DYNC1LI1: variants seen among roughly 807,000 people sequenced by gnomAD.
DYNC1LI1 encodes the protein dynein cytoplasmic 1 light intermediate chain 1.
In DYNC1LI1, 19 loss-of-function variants were observed where a neutral mutation model predicts 63.8. The ratio of observed to expected loss-of-function variants is 0.30; its 90% CI spans 0.21 to 0.44. The LOEUF (loss-of-function observed/expected upper bound fraction) is 0.44. Ranked by LOEUF, DYNC1LI1 falls within the 20% of genes least tolerant of loss-of-function variation. The pLI, the probability that DYNC1LI1 is intolerant of heterozygous loss-of-function variation, is 1.00. For missense variants in DYNC1LI1, 565 were observed against 630.2 expected, an observed-to-expected ratio of 0.90 and a Z score of 1.11; for synonymous variants, 225 against 232.3, an observed-to-expected ratio of 0.97 and a Z score of 0.28.
At chr3:32,543,865 G>C (rs1480075543) in intron 4 of DYNC1LI1, among the ~76,000 whole-genome samples, 1 of 150,442 alleles carries the variant, frequency 6.6e-6, no homozygotes, top group Non-Finnish European at 1.5e-5. Context: ...AGGAGTTCAA[G>C]ACCAGCCTGG....
chr3:32,526,924 A>C lies in DYNC1LI1; in HGVS notation c.1463-16T>G, dbSNP rs1295444668. On this transcript the variant is annotated splice_polypyrimidine_tract_variant and intron_variant, in intron 12 of 12. Coordinates refer to ENST00000273130, the MANE Select transcript of DYNC1LI1 (RefSeq NM_016141.4). ...GGCTTCTGGCCTACATTGAAGAAAA[A>C]GAAAAAAAACAAGATTTAGATATAA... 1 of 1,572,110 alleles carries C rather than the reference A, an allele frequency of 6.4e-7. No homozygotes were observed. Among genetic ancestry groups the C allele is most frequent in the South Asian group, 1.1e-5 (1 of 88,412 alleles).
At chr3:32,554,149 T>C (rs566431511) in intron 2 of DYNC1LI1, among the ~76,000 whole-genome samples, 1 of 152,372 alleles carries the variant, frequency 6.6e-6, no homozygotes, top group South Asian at 2.1e-4. Flanking sequence ...CTCTTCTTTG[T>C]GGACTTCCTC....
At chr3:32,549,800 T>G (rs1423739549) in intron 2 of DYNC1LI1, among the ~76,000 whole-genome samples, 1 of 152,144 alleles carries the variant, frequency 6.6e-6, no homozygotes, top group Non-Finnish European at 1.5e-5. Flanking sequence ...TATACACAAT[T>G]TTTGTCAGTT....
chr3:32,537,754 A>G (rs1365308582), intron 5 of DYNC1LI1, among the ~76,000 whole-genome samples: 1 of 148,288 alleles, frequency 6.7e-6, no homozygotes, highest in African/African-American at 2.5e-5. Context: ...CGACATCCAA[A>G]TAATTTCACC....
At chr3:32,528,392 A>AT (rs1238227283) in intron 12 of DYNC1LI1, 54 bp downstream of exon 12, 360 of 1,598,490 alleles carry the variant, frequency 2.3e-4, no homozygotes, top group Non-Finnish European at 2.9e-4. Flanking sequence ...GAACTTCATT[A>AT]TATCTCAAAA....
intron 2 of DYNC1LI1, among the ~76,000 whole-genome samples, chr3:32,554,021 T>TAAC (rs889642977): frequency 4.6e-5 from 7 of 152,218 alleles, no homozygotes; most frequent in East Asian, 1.9e-4. Flanking sequence ...CTAATCTATG[T>TAAC]AACAACAACA....
chr3:32,529,888 G>C (rs767013836), intron 10 of DYNC1LI1, among the ~76,000 whole-genome samples: 4 of 152,070 alleles, frequency 2.6e-5, no homozygotes, highest in African/African-American at 9.7e-5. Context: ...AGAAAATAAA[G>C]AACATATTGA....
Position 32,544,894 on chromosome 3 carries a change from T to C in DYNC1LI1, c.550A>G (p.Lys184Glu). 1 of 1,611,696 alleles carries C rather than the reference T, an allele frequency of 6.2e-7. No individual in the cohort carries two copies. The highest frequency in any genetic ancestry group is 8.5e-7 in the Non-Finnish European group (1 of 1,177,972). ...DKLKIPPEEM[K>E]QMEQKLIRDF... ...TACTTACACTTTTGTTCCATTTGTT[T>C]CATTTCTTCAGGAGGGATTTTCAGT... The change falls in exon 4 of 13, where the codon AAA becomes GAA. Residue 184 changes from lysine (K) to glutamate (E), a missense_variant. Lys to Glu is a moderately conservative substitution (Grantham distance 56). Coordinates refer to ENST00000273130, the MANE Select transcript of DYNC1LI1 (RefSeq NM_016141.4).
intron 5 of DYNC1LI1, among the ~76,000 whole-genome samples, chr3:32,538,107 CAAAA>C (rs72138394): frequency 0.037 from 1,618 of 43,636 alleles, 69 homozygotes; most frequent in African/African-American, 0.13. Flanking sequence ...TATAAAATAG[CAAAA>C]AAAAAAAAAA....
intron 2 of DYNC1LI1, among the ~76,000 whole-genome samples, chr3:32,548,331 C>T (rs1559440157): frequency 6.6e-6 from 1 of 152,132 alleles, no homozygotes; most frequent in African/African-American, 2.4e-5. Flanking sequence ...GCTGCATGCT[C>T]CTTAGGAGAA....
chr3:32,568,748 A>G (rs1047136408), intron 2 of DYNC1LI1, among the ~76,000 whole-genome samples: 1 of 152,216 alleles, frequency 6.6e-6, no homozygotes, highest in African/African-American at 2.4e-5. Flanking sequence ...AAATGTATAA[A>G]ATAAGAACAA....
chr3:32,553,871 CTAA>C (rs1288713669), intron 2 of DYNC1LI1, among the ~76,000 whole-genome samples: 2 of 152,226 alleles, frequency 1.3e-5, no homozygotes, highest in African/African-American at 4.8e-5. Flanking sequence ...CACATTCTTC[CTAA>C]TACTCAACAG....
chr3:32,527,870 C>T (rs1383026373), intron 12 of DYNC1LI1, among the ~76,000 whole-genome samples: 1 of 151,856 alleles, frequency 6.6e-6, no homozygotes, highest in Non-Finnish European at 1.5e-5. Flanking sequence ...TCTGTAATCC[C>T]AGCACTTTGG....
At chr3:32,554,927 T>C (rs537178130) in intron 2 of DYNC1LI1, among the ~76,000 whole-genome samples, 75 of 133,026 alleles carry the variant, frequency 5.6e-4, no homozygotes, top group Middle Eastern at 5.1e-3. Context: ...TGGAGTGCAA[T>C]AGCGCAATCT....
intron 2 of DYNC1LI1, among the ~76,000 whole-genome samples, chr3:32,558,422 AAAAG>A (rs1234070126): frequency 1.4e-5 from 2 of 145,410 alleles, no homozygotes; most frequent in African/African-American, 4.9e-5. Flanking sequence ...AAAAAAAAAA[AAAAG>A]AAAAGAAAAA....
intron 5 of DYNC1LI1, among the ~76,000 whole-genome samples, chr3:32,537,961 A>ATATT (rs1383258025): frequency 0.058 from 433 of 7,480 alleles, 35 homozygotes; most frequent in East Asian, 0.1. Flanking sequence ...TTATATATAT[A>ATATT]ATATATATAT....
At chr3:32,568,659 A>C (rs1698301937) in intron 2 of DYNC1LI1, among the ~76,000 whole-genome samples, 1 of 152,194 alleles carries the variant, frequency 6.6e-6, no homozygotes, top group African/African-American at 2.4e-5. Flanking sequence ...TATACCAAAA[A>C]ATGAACAAAA....
rs1313631588 is a variant in DYNC1LI1 at position 32,570,809 on chromosome 3, G to A, written c.-39C>T. The A allele has an allele frequency of 1.3e-6, 2 of 1,580,952 alleles. No individual in the cohort carries two copies. The highest frequency in any genetic ancestry group is 1.1e-5 in the South Asian group (1 of 88,388). On this transcript the variant is annotated 5_prime_UTR_variant, in exon 1 of 13. Coordinates refer to ENST00000273130, the MANE Select transcript of DYNC1LI1 (RefSeq NM_016141.4). ...CACACCACTCCCGGCAAGACTAAATGTGCGAGGCGGCTGAGGCGGTGGCGG... is the reference window on the plus strand; with the variant it reads ...CACACCACTCCCGGCAAGACTAAATATGCGAGGCGGCTGAGGCGGTGGCGG...
rs553574817 is a variant in DYNC1LI1, at chr3:32,559,060, T to A, written c.220+11286A>T. Reference sequence around the variant, plus strand: ...ACTATTATCATCCATTACTACTACTTTTTTTTTTTTTTTTAAAGACAGAGT... The same window carrying A: ...ACTATTATCATCCATTACTACTACTATTTTTTTTTTTTTTAAAGACAGAGT... On this transcript the variant is annotated intron_variant, in intron 2 of 12. Transcript: ENST00000273130. Among the ~76,000 whole-genome samples, 10 of 128,616 alleles carry A rather than the reference T, an allele frequency of 7.8e-5. No homozygotes were observed. The East Asian group carries it at 2.0e-3, about 26-fold the overall frequency. The allele number at this position is 128,616 out of a possible 152,430, so 84.4% of individuals were successfully genotyped here. A position where few individuals can be genotyped will look rare whatever the true frequency, so the allele number is the denominator to read the frequency against.
Sources: gnomAD v4.1 joint callset for allele counts (sites outside exome capture counted in the v4.1 genomes callset) on GRCh38, gnomAD v4.1.1 for gene constraint, MANE v1.5 for transcripts, NCBI Gene and HGNC (gene_info 2026-07-23, HGNC 2026-07-21) for gene names.